Variants in CENPQ observed in about 807,000 individuals in gnomAD.
CENPQ encodes centromere protein Q, also known as chromosome 6 open reading frame 139.
In CENPQ, 27 loss-of-function variants were observed where a neutral mutation model predicts 36.6. That is an observed-to-expected ratio of 0.74 (90% CI 0.54 to 1.02). The LOEUF (loss-of-function observed/expected upper bound fraction) is 1.02. Ranked by LOEUF, CENPQ falls within the 50% of genes least tolerant of loss-of-function variation. The pLI is 0.00. For missense variants in CENPQ, 306 were observed against 301.8 expected (o/e 1.01, Z -0.10); for synonymous variants, 101 against 101.7 (o/e 0.99, Z 0.04).
intron 1 of CENPQ, among the ~76,000 whole-genome samples, chr6:49,464,229 C>G (rs1767941457): frequency 6.6e-6 from 1 of 152,062 alleles, no homozygotes; most frequent in African/African-American, 2.4e-5. Context: ...TGTATTTACA[C>G]TGTATTGTAA....
intron 6 of CENPQ, among the ~76,000 whole-genome samples, chr6:49,486,296 C>T (rs1768577057): frequency 6.6e-6 from 1 of 152,198 alleles, no homozygotes; most frequent in African/African-American, 2.4e-5. Context: ...TCCTCCAGAA[C>T]CATGACAGAA....
chr6:49,463,630 G>A (rs1418147338), intron 1 of CENPQ, among the ~76,000 whole-genome samples, 177 bp downstream of exon 1: 1 of 152,114 alleles, frequency 6.6e-6, no homozygotes, highest in Non-Finnish European at 1.5e-5. Flanking sequence ...AGATTGAGAT[G>A]TTTGATTAGG....
intron 1 of CENPQ, among the ~76,000 whole-genome samples, chr6:49,467,803 ATAGT>A (rs1768037790): frequency 6.6e-6 from 1 of 152,204 alleles, no homozygotes; most frequent in Non-Finnish European, 1.5e-5. Context: ...ATGAAGTAGA[ATAGT>A]TAGGAAGATT....
chr6:49,492,318 C>A lies in CENPQ; in HGVS notation c.*43C>A. The A allele has an allele frequency of 4.0e-6, 6 of 1,504,562 alleles. No homozygotes were observed. The South Asian group carries it at 6.4e-5, about 16-fold the overall frequency. The allele number at this position is 1,504,562 out of a possible 1,614,324, so 93.2% of individuals were successfully genotyped here. A position where few individuals can be genotyped will look rare whatever the true frequency, so the allele number is the denominator to read the frequency against. The stretch of plus-strand genomic sequence containing the variant: ...GATTGTTCCATATTAATTTAATGTT[C>A]GTGAATTTGTAAAACTGTTAACCTA... On this transcript the variant is annotated 3_prime_UTR_variant, in exon 9 of 9. Coordinates refer to ENST00000335783, the MANE Select transcript of CENPQ (RefSeq NM_018132.4).
At position 49,472,773 on chromosome 6, in the gene CENPQ, C is replaced by CT. The variant is rs756761288; in HGVS notation, c.279-10dup. On this transcript the variant is annotated splice_polypyrimidine_tract_variant and intron_variant, in intron 4 of 8. Transcript: ENST00000335783. ...TGCATCAGACTACTATTTATTCCAT[C>CT]TTTTTTTCTTTTCTAGGACAATTTT... The CT allele has an allele frequency of 2.8e-6, 4 of 1,417,888 alleles. No homozygotes were observed. Among genetic ancestry groups the CT allele is most frequent in the African/African-American group, 1.5e-5 (1 of 68,250 alleles). The allele number at this position is 1,417,888 out of a possible 1,614,324, so 87.8% of individuals were successfully genotyped here.
At chr6:49,490,958 T>C (rs764303445) in intron 8 of CENPQ, among the ~76,000 whole-genome samples, 36 of 152,202 alleles carry the variant, frequency 2.4e-4, no homozygotes, top group Non-Finnish European at 4.6e-4. Context: ...ACCGTAATAA[T>C]TTTTAAAGTT....
Position 49,488,622 on chromosome 6 carries a change from A to T in CENPQ, c.613A>T (p.Ser205Cys), listed in dbSNP as rs762913311. Residue 205 changes from serine to cysteine, a missense_variant, in exon 8 of 9, where the codon AGT becomes TGT. Coordinates refer to ENST00000335783, the MANE Select transcript of CENPQ (RefSeq NM_018132.4). Reference protein sequence around the residue: ...ERVKQMHQINSSGVLSLPELS... With the variant: ...ERVKQMHQINCSGVLSLPELS... ...TCTACTTTAGATGCATCAAATAAAT[A>T]GTAGTGGAGTACTCTCTCTTCCGGA... is the stretch of plus-strand genomic sequence containing the variant. The T allele has an allele frequency of 6.2e-7, 1 of 1,613,452 alleles. No individual in the cohort carries two copies. The highest frequency in any genetic ancestry group is 1.1e-5 in the South Asian group (1 of 91,052).
chr6:49,463,505 GT>G (rs1767918492), intron 1 of CENPQ, 52 bp downstream of exon 1: 2 of 152,366 alleles, frequency 1.3e-5, no homozygotes, highest in African/African-American at 4.8e-5. Context: ...TCAGGGATGA[GT>G]TTTAAAGCCA....
intron 2 of CENPQ, 143 bp downstream of exon 2, chr6:49,470,421 A>G (rs1261376411): frequency 1.1e-4 from 50 of 459,204 alleles, no homozygotes; most frequent in Non-Finnish European, 1.5e-4. Context: ...GGCTAACATG[A>G]TGAAACCCCG....
At chr6:49,478,085 T>C (rs1768346888) in intron 5 of CENPQ, among the ~76,000 whole-genome samples, 1 of 152,208 alleles carries the variant, frequency 6.6e-6, no homozygotes, top group African/African-American at 2.4e-5. Context: ...TTATTTTTAC[T>C]TTCACAGCTT....
In CENPQ at chr6:49,477,103, A is replaced by G. The variant is rs929957353; in HGVS notation, c.348-3848A>G. Among the ~76,000 whole-genome samples the G allele has an allele frequency of 1.3e-5, 2 of 152,330 alleles. 1 individual carries two copies. Among genetic ancestry groups the G allele is most frequent in the South Asian group, 4.1e-4 (2 of 4,830 alleles). On this transcript the variant is annotated intron_variant, in intron 5 of 8. Transcript: ENST00000335783. ...TCAAAGGATTATAAGTCATGCTACT[A>G]TAAAGACACATGAACATGTGTGTTT...
At chr6:49,481,833 C>CG (rs879318796) in intron 6 of CENPQ, among the ~76,000 whole-genome samples, 33,065 of 151,996 alleles carry the variant, frequency 0.22, 3,742 homozygotes, top group South Asian at 0.28. Flanking sequence ...CAGCACTCCT[C>CG]AGCCCTTGGG....
chr6:49,488,382 G>A lies in CENPQ; in HGVS notation c.508G>A (p.Glu170Lys). 1 of 1,611,206 alleles carries A rather than the reference G, an allele frequency of 6.2e-7. No homozygotes were observed. Among genetic ancestry groups the A allele is most frequent in the South Asian group, 1.1e-5 (1 of 90,736 alleles). ...EEIDKMVETT[E>K]LMTGNIQSLK... ...AATAGATAAAATGGTAGAGACCACA[G>A]AGTTAATGACTGGGAATATTCAGAG... Residue 170 changes from glutamate to lysine, a missense_variant, in exon 7 of 9, where the codon GAG becomes AAG. Transcript: ENST00000335783.
intron 1 of CENPQ, among the ~76,000 whole-genome samples, chr6:49,463,911 C>A (rs531112116): frequency 2.6e-5 from 4 of 152,218 alleles, no homozygotes; most frequent in South Asian, 2.1e-4. Flanking sequence ...AGTCTGGCGG[C>A]AAACTACTGT....
chr6:49,472,180 T>C lies in CENPQ; in HGVS notation c.275T>C (p.Ile92Thr). ...DHLQTMMESV[I>T]MTILSNSIKE... Reference sequence around the variant, plus strand: ...TTGCAAACTATGATGGAATCAGTAATAATGTGAGTATAAAATTGTTCCATT... The same window carrying C: ...TTGCAAACTATGATGGAATCAGTAACAATGTGAGTATAAAATTGTTCCATT... The change falls in exon 4 of 9, where the codon ATA (isoleucine) becomes ACA (threonine). Residue 92 changes from isoleucine (I) to threonine (T), a missense_variant. Transcript: ENST00000335783. The C allele has an allele frequency of 6.2e-7, 1 of 1,604,282 alleles. No homozygotes were observed. Among genetic ancestry groups the C allele is most frequent in the East Asian group, 2.2e-5 (1 of 44,520 alleles).
At chr6:49,467,134 G>A (rs750144365) in intron 1 of CENPQ, among the ~76,000 whole-genome samples, 1 of 152,198 alleles carries the variant, frequency 6.6e-6, no homozygotes, top group Non-Finnish European at 1.5e-5. Flanking sequence ...TAGTGCTGAG[G>A]TTGAGAAACT....
At position 49,492,244 on chromosome 6, in the gene CENPQ, A is replaced by G. The variant is rs1158218415; in HGVS notation, c.776A>G (p.Glu259Gly). The change falls in exon 9 of 9, where the codon GAA (glutamate) becomes GGA (glycine). Residue 259 changes from glutamate (E) to glycine (G), a missense_variant. Physicochemically the swap from Glu to Gly is moderately conservative, Grantham distance 98 (BLOSUM62 -2). Transcript: ENST00000335783. ...ATGAAGAGCATGTCAACCTTCATTGAAGAAGCCTATAAGAAACTGGATGCA... is the reference window on the plus strand; with the variant it reads ...ATGAAGAGCATGTCAACCTTCATTGGAGAAGCCTATAAGAAACTGGATGCA... Reference protein sequence around the residue: ...SQMKSMSTFIEEAYKKLDAS With the variant: ...SQMKSMSTFIGEAYKKLDAS The G allele has an allele frequency of 6.2e-7, 1 of 1,605,612 alleles. No homozygotes were observed. Among genetic ancestry groups the G allele is most frequent in the African/African-American group, 1.3e-5 (1 of 74,508 alleles).
chr6:49,484,971 G>GA (rs1768541269), intron 6 of CENPQ, among the ~76,000 whole-genome samples: 1 of 152,170 alleles, frequency 6.6e-6, no homozygotes, highest in Non-Finnish European at 1.5e-5. Context: ...ATGATAGTGT[G>GA]ATTTTTATGC....
At chr6:49,463,763 CTG>C (rs1170016281) in intron 1 of CENPQ, among the ~76,000 whole-genome samples, 6 of 152,140 alleles carry the variant, frequency 3.9e-5, no homozygotes, top group Non-Finnish European at 2.9e-5. Context: ...ACATTAGTGT[CTG>C]TGTTTCTCCA....
Sources: allele counts gnomAD v4.1 joint callset (sites outside exome capture counted in the v4.1 genomes callset), GRCh38; gene constraint gnomAD v4.1.1; transcripts MANE v1.5; gene names NCBI Gene and HGNC (gene_info 2026-07-23, HGNC 2026-07-21).